The following COL16A1 variants were observed in gnomAD, a reference collection of about 807,000 sequenced individuals.
The protein encoded by COL16A1 is collagen type XVI alpha 1 chain, also known as collagen alpha-1(XVI) chain.
In COL16A1, 189 loss-of-function variants were observed where a neutral mutation model predicts 266.3. The ratio of observed to expected loss-of-function variants is 0.71; its 90% CI spans 0.63 to 0.80. The LOEUF (loss-of-function observed/expected upper bound fraction) is 0.80, where lower values mean the gene tolerates loss of function less well. Among genes scored for constraint, COL16A1 ranks in the 30% least tolerant of loss-of-function variants. The probability of loss-of-function intolerance (pLI) is 0.00; values close to 1 mark genes in which losing one functional copy is unlikely to be tolerated. For missense variants in COL16A1, 1,928 were observed against 2,122.4 expected, an observed-to-expected ratio of 0.91 and a Z score of 1.80; for synonymous variants, 740 against 782.3, an observed-to-expected ratio of 0.95 and a Z score of 0.90.
chr1:31,658,835 C>T lies in COL16A1; in HGVS notation c.3930+79G>A. 4 of 1,493,896 alleles carry T rather than the reference C, an allele frequency of 2.7e-6. No individual in the cohort carries two copies. The South Asian group carries it at 4.8e-5, about 18-fold the overall frequency. 92.5% of individuals were successfully genotyped at this position (1,493,896 alleles called of 1,614,324 possible). On this transcript the variant is annotated intron_variant, in intron 63 of 70. Transcript: ENST00000373672. The stretch of plus-strand genomic sequence containing the variant: ...TGAGACAAACTGTTCTCCATCCCCC[C>T]AGCTTCCTCTGAATGGAGCCCACAG...
intron 54 of COL16A1, 24 bp downstream of exon 54, chr1:31,665,855 TGCA>T: frequency 6.2e-7 from 1 of 1,614,108 alleles, no homozygotes; most frequent in Non-Finnish European, 8.5e-7. Flanking sequence ...CCTGCCTCCC[TGCA>T]GCCAGGTCCC....
chr1:31,696,180 G>T (rs756562281), intron 8 of COL16A1, 39 bp from the exon 9 acceptor site: 1 of 1,600,400 alleles, frequency 6.2e-7, no homozygotes, highest in Non-Finnish European at 8.6e-7. Flanking sequence ...TGAGGAGGGG[G>T]AAGTTCTGGG....
chr1:31,658,396 T>TA, intron 64 of COL16A1, 92 bp downstream of exon 64: 1 of 1,111,452 alleles, frequency 9.0e-7, no homozygotes, highest in Non-Finnish European at 1.3e-6. Flanking sequence ...TCTCCTTCCT[T>TA]AGAGACCCCA....
chr1:31,657,185 C>G lies in COL16A1; in HGVS notation c.4021-117G>C, dbSNP rs566804327. 15 of 1,262,268 alleles carry G rather than the reference C, an allele frequency of 1.2e-5. No individual in the cohort carries two copies. In the East Asian group the frequency reaches 3.3e-4, roughly 28 times the overall value. 78.2% of individuals were successfully genotyped at this position (1,262,268 alleles called of 1,614,324 possible). A position where few individuals can be genotyped will look rare whatever the true frequency, so the allele number is the denominator to read the frequency against. Reference sequence around the variant, plus strand: ...TGTTCCACCCAGAGGCCACGATCCTCCAGCCCTCACCCTCTGACAATCTGG... The same window carrying G: ...TGTTCCACCCAGAGGCCACGATCCTGCAGCCCTCACCCTCTGACAATCTGG... On this transcript the variant is annotated intron_variant, in intron 64 of 70. Transcript: ENST00000373672. This position sits in a 1 kb window ranked among gnomAD's most constrained non-coding sequence, Gnocchi z 6.4.
rs1310913004 is a variant in COL16A1 at position 31,670,433 on chromosome 1, G to A, written c.3195+169C>T. 3.4e-5 allele frequency: 27 copies of A among 791,020 alleles called. No homozygotes were observed. The highest frequency in any genetic ancestry group is 4.5e-5 in the Non-Finnish European group (25 of 558,200). 49.0% of individuals were successfully genotyped at this position (791,020 alleles called of 1,614,324 possible). On this transcript the variant is annotated intron_variant, in intron 49 of 70. Transcript: ENST00000373672. This position sits in a 1 kb window ranked among gnomAD's most constrained non-coding sequence, Gnocchi z 4.5. ...GAAAGGAGTCAGAGACTGGGAGGATGTCCAAGCTGCCGGGACCTCAGAGAA... is the reference window on the plus strand; with the variant it reads ...GAAAGGAGTCAGAGACTGGGAGGATATCCAAGCTGCCGGGACCTCAGAGAA...
Position 31,690,347 on chromosome 1 carries a change from C to T in COL16A1, c.1509+20G>A. ...GGTCCCGTTCCCACCCCGATCTGGG[C>T]AGCCAGGCCTAGGACTCACCTTCTC... On this transcript the variant is annotated intron_variant, in intron 22 of 70. Coordinates refer to ENST00000373672, the MANE Select transcript of COL16A1 (RefSeq NM_001856.4). 1.9e-6 allele frequency: 3 copies of T among 1,613,454 alleles called. No individual in the cohort carries two copies. Among genetic ancestry groups the T allele is most frequent in the Non-Finnish European group, 2.5e-6 (3 of 1,179,980 alleles).
rs1333729707 is a variant in COL16A1, at chr1:31,696,946, C to G, written c.864+17G>C. ...TGTGCCTGCCTGTGCTGGCATCCAC[C>G]TGTCCTGCCCACCCACCTCGCTGTT... On this transcript the variant is annotated intron_variant, in intron 8 of 70. Coordinates refer to ENST00000373672, the MANE Select transcript of COL16A1 (RefSeq NM_001856.4). 1 of 1,613,384 alleles carries G rather than the reference C, an allele frequency of 6.2e-7. No individual in the cohort carries two copies. Among genetic ancestry groups the G allele is most frequent in the Admixed American group, 1.7e-5 (1 of 60,030 alleles).
intron 48 of COL16A1, 73 bp downstream of exon 48, chr1:31,671,542 C>G (rs531572288): frequency 1.3e-6 from 2 of 1,593,666 alleles, no homozygotes; most frequent in Non-Finnish European, 1.7e-6. Flanking sequence ...GGGACAAGGC[C>G]GCGGGATGGT....
At chr1:31,666,404 G>A (rs1642148007) in intron 52 of COL16A1, 7 of 355,196 alleles carry the variant, frequency 2.0e-5, no homozygotes, top group African/African-American at 4.3e-5. Context: ...TGAGTGGGGC[G>A]CACACTTTCC....
Position 31,656,873 on chromosome 1 carries a change from C to T in COL16A1, c.4056+160G>A. 1.1e-6 allele frequency: 1 copy of T among 901,392 alleles called. No homozygotes were observed. The allele number at this position is 901,392 out of a possible 1,614,324, so 55.8% of individuals were successfully genotyped here. A position where few individuals can be genotyped will look rare whatever the true frequency, so the allele number is the denominator to read the frequency against. Reference sequence around the variant, plus strand: ...CAAATCTCACTCCCATCCTTGGCCTCAAGTCTCTAATTCCTCTCCCCAGGA... The same window carrying T: ...CAAATCTCACTCCCATCCTTGGCCTTAAGTCTCTAATTCCTCTCCCCAGGA... On this transcript the variant is annotated intron_variant, in intron 65 of 70. Transcript: ENST00000373672. This position sits in a 1 kb window ranked among gnomAD's most constrained non-coding sequence, Gnocchi z 4.2.
chr1:31,692,974 G>A (rs776426272), intron 13 of COL16A1, 118 bp downstream of exon 13: 50 of 958,930 alleles, frequency 5.2e-5, no homozygotes, highest in South Asian at 8.6e-5. Flanking sequence ...CCCCCCTCCC[G>A]TGATCTGGGC....
chr1:31,691,566 C>G, intron 18 of COL16A1, 32 bp downstream of exon 18: 2 of 1,613,984 alleles, frequency 1.2e-6, no homozygotes. Context: ...CCCTGCCACC[C>G]CATCTCCACC....
At chr1:31,654,695 G>A in intron 68 of COL16A1, 97 bp downstream of exon 68, 3 of 1,602,100 alleles carry the variant, frequency 1.9e-6, no homozygotes, top group Non-Finnish European at 2.5e-6. Flanking sequence ...AGAGCAGGAG[G>A]ACATTGAGCG....
chr1:31,693,239 C>T (rs1330707950), intron 12 of COL16A1, 85 bp from the exon 13 acceptor site: 2 of 848,634 alleles, frequency 2.4e-6, no homozygotes, highest in East Asian at 2.6e-5. Context: ...TGGCCCCCTC[C>T]ACCCATCCCC....
intron 2 of COL16A1, 45 bp downstream of exon 2, chr1:31,702,076 C>G (rs1294584896): frequency 1.2e-6 from 2 of 1,613,394 alleles, no homozygotes; most frequent in Admixed American, 1.7e-5. Context: ...CCCCAGGATA[C>G]CAGTTGCAGG....
At chr1:31,684,796 C>T in intron 30 of COL16A1, 25 bp downstream of exon 30, 2 of 1,614,126 alleles carry the variant, frequency 1.2e-6, no homozygotes, top group Non-Finnish European at 1.7e-6. Flanking sequence ...CATGCCCACC[C>T]CCGTGCCCAC....
At chr1:31,687,436 C>A (rs1051751161) in intron 26 of COL16A1, among the ~76,000 whole-genome samples, 1 of 148,642 alleles carries the variant, frequency 6.7e-6, no homozygotes, top group African/African-American at 2.5e-5. Context: ...CACACACACA[C>A]GAAAAACTAC....
rs1644534038 is a variant in COL16A1, at chr1:31,697,077, C to G, written c.750G>C (p.Glu250Asp). Residue 250 changes from glutamate to aspartate, a missense_variant, in exon 8 of 71, where the codon GAG becomes GAC. This residue lies in a region of COL16A1 where 1,552 missense variants were observed against 1,637.2 expected (regional missense o/e 0.95). Coordinates refer to ENST00000373672, the MANE Select transcript of COL16A1 (RefSeq NM_001856.4). This position sits in a 1 kb window ranked among gnomAD's most constrained non-coding sequence, Gnocchi z 4.2. ...GGGTGTCCCGGCGGGCCTTGGAGGT[C>G]TCTGGGGGGCACTGTTTGGTGGAAG... ...CEILPAGCPP[E>D]TSKARRDTQS... The G allele has an allele frequency of 6.2e-7, 1 of 1,614,124 alleles. No homozygotes were observed. The highest frequency in any genetic ancestry group is 8.5e-7 in the Non-Finnish European group (1 of 1,179,996).
chr1:31,702,482 T>C (rs1468165289), intron 1 of COL16A1, among the ~76,000 whole-genome samples: 2 of 152,222 alleles, frequency 1.3e-5, no homozygotes, highest in Non-Finnish European at 2.9e-5. Context: ...AGCTGCCTAC[T>C]GCACTGAAAT....
Sources: gnomAD v4.1 joint callset for allele counts (sites outside exome capture counted in the v4.1 genomes callset) on GRCh38, gnomAD v4.1.1 for gene constraint, gnomAD v4.1.1 regional missense constraint, Gnocchi (gnomAD v3.1) non-coding constraint, MANE v1.5 for transcripts, NCBI Gene and HGNC (gene_info 2026-07-23, HGNC 2026-07-21) for gene names.